DPP10: variants seen among roughly 807,000 people sequenced by gnomAD.
DPP10 encodes dipeptidyl peptidase like 10.
In DPP10, 33 loss-of-function variants were observed where a neutral mutation model predicts 120.9. The observed-to-expected ratio is 0.27, with a 90% CI of 0.21 to 0.37. The LOEUF is 0.37. Ranked by LOEUF, DPP10 falls within the 10% of genes least tolerant of loss-of-function variation. The probability of loss-of-function intolerance (pLI) is 1.00; values close to 1 mark genes in which losing one functional copy is unlikely to be tolerated. For missense variants in DPP10, 816 were observed against 942.8 expected, an observed-to-expected ratio of 0.87 and a Z score of 1.76; for synonymous variants, 337 against 326.1, an observed-to-expected ratio of 1.03 and a Z score of -0.36.
intron 1 of DPP10, among the ~76,000 whole-genome samples, chr2:114,953,147 A>G (rs1697921937): frequency 6.6e-6 from 1 of 152,154 alleles, no homozygotes; most frequent in African/African-American, 2.4e-5. Context: ...GTTTAAAAAA[A>G]TCTAATTTTA....
chr2:114,901,275 G>A (rs557130068), intron 1 of DPP10, among the ~76,000 whole-genome samples: 2 of 152,266 alleles, frequency 1.3e-5, no homozygotes, highest in South Asian at 4.1e-4. Flanking sequence ...TCTGCTCACT[G>A]CAAGCTCCAC....
chr2:114,897,718 A>G (rs1351435977), intron 1 of DPP10, among the ~76,000 whole-genome samples: 1 of 152,192 alleles, frequency 6.6e-6, no homozygotes, highest in Non-Finnish European at 1.5e-5. Flanking sequence ...AAAAGAAGAC[A>G]TTTATGCAGC....
intron 1 of DPP10, among the ~76,000 whole-genome samples, chr2:115,075,105 G>A (rs1225872998): frequency 2.0e-5 from 3 of 152,126 alleles, no homozygotes; most frequent in South Asian, 4.1e-4. Flanking sequence ...CATGAGTGTG[G>A]GAGGTCATAT....
At chr2:115,534,932 G>A (rs902295850) in intron 5 of DPP10, among the ~76,000 whole-genome samples, 6 of 151,484 alleles carry the variant, frequency 4.0e-5, no homozygotes, top group African/African-American at 1.5e-4. Context: ...GTCTGTTCAT[G>A]TCCTTCGCCC....
At chr2:115,492,815 CAA>C (rs2076194490) in intron 3 of DPP10, among the ~76,000 whole-genome samples, 1 of 151,810 alleles carries the variant, frequency 6.6e-6, no homozygotes, top group African/African-American at 2.4e-5. Flanking sequence ...TAAAAAAACT[CAA>C]TAAAAAAGAT....
At chr2:115,550,200 A>C (rs1055548418) in intron 5 of DPP10, among the ~76,000 whole-genome samples, 1 of 152,196 alleles carries the variant, frequency 6.6e-6, no homozygotes, top group Non-Finnish European at 1.5e-5. Flanking sequence ...ACATAGTTAT[A>C]GAATCTTTAA....
At chr2:115,324,478 T>C (rs1237561763) in intron 2 of DPP10, among the ~76,000 whole-genome samples, 1 of 152,164 alleles carries the variant, frequency 6.6e-6, no homozygotes, top group Non-Finnish European at 1.5e-5. Flanking sequence ...TTAAACCTCA[T>C]GAACCAATCT....
At chr2:114,548,479 T>G (rs2104852317) in intron 1 of DPP10, among the ~76,000 whole-genome samples, 1 of 152,272 alleles carries the variant, frequency 6.6e-6, no homozygotes, top group African/African-American at 2.4e-5. Flanking sequence ...CTTACTCGTC[T>G]TTGAGAAGGG....
chr2:115,445,528 G>A (rs2072496932), intron 3 of DPP10, among the ~76,000 whole-genome samples: 1 of 152,130 alleles, frequency 6.6e-6, no homozygotes, highest in South Asian at 2.1e-4. Flanking sequence ...TTGAGAACTG[G>A]GGCAGAGGTC....
intron 5 of DPP10, among the ~76,000 whole-genome samples, chr2:115,606,522 G>A (rs1354098868): frequency 1.3e-5 from 2 of 152,154 alleles, no homozygotes; most frequent in Non-Finnish European, 2.9e-5. Context: ...GAGAGCTGGA[G>A]TGTTGAATCT....
At position 115,286,411 on chromosome 2, in the gene DPP10, A is replaced by C. The variant is rs931865800; in HGVS notation, c.61-22828A>C. Among the ~76,000 whole-genome samples, 52 of 144,976 alleles carry C rather than the reference A, an allele frequency of 3.6e-4. 2 individuals carry two copies. The highest frequency in any genetic ancestry group is 1.3e-3 in the African/African-American group (52 of 39,596). On this transcript the variant is annotated intron_variant, in intron 1 of 25. Coordinates refer to ENST00000410059, the MANE Select transcript of DPP10 (RefSeq NM_020868.6). ...AGCCACATCTTTTTTTTTACTTTGG[A>C]ATTTTAAAATATGATTTATCTTCCT...
rs190296801 is a variant in DPP10 at position 115,423,086 on chromosome 2, A to C, written c.272-76424A>C. 2.1e-3 allele frequency among the ~76,000 whole-genome samples: 316 copies of C among 152,224 alleles called. 1 individual carries two copies. The highest frequency in any genetic ancestry group is 6.8e-3 in the African/African-American group (283 of 41,582). The stretch of plus-strand genomic sequence containing the variant: ...AAAACAGGAAAATAATTTTAATGTG[A>C]TATAAACATTTAATATAACATATTT... On this transcript the variant is annotated intron_variant, in intron 3 of 25. Transcript: ENST00000410059.
chr2:114,996,937 G>A (rs562883340), intron 1 of DPP10, among the ~76,000 whole-genome samples: 2 of 145,862 alleles, frequency 1.4e-5, no homozygotes, highest in South Asian at 2.2e-4. Context: ...AGCCGAGATC[G>A]TGCCACTGCG....
chr2:115,079,799 T>C (rs527600210), intron 1 of DPP10, among the ~76,000 whole-genome samples: 8 of 152,306 alleles, frequency 5.3e-5, no homozygotes, highest in Admixed American at 5.2e-4. Flanking sequence ...GATGAACAGA[T>C]AGAGAAGTCT....
intron 1 of DPP10, among the ~76,000 whole-genome samples, chr2:114,942,320 T>TAAATATAC (rs869121143): frequency 8.1e-6 from 1 of 123,980 alleles, no homozygotes; most frequent in African/African-American, 3.1e-5. Flanking sequence ...TATATATATA[T>TAAATATAC]ACACACACAT....
chr2:115,426,617 G>A (rs1275426747), intron 3 of DPP10, among the ~76,000 whole-genome samples: 1 of 148,970 alleles, frequency 6.7e-6, no homozygotes, highest in South Asian at 2.1e-4. Flanking sequence ...TTCAACATGA[G>A]ATTCTCACCA....
chr2:115,419,651 C>A (rs2069756543), intron 3 of DPP10, among the ~76,000 whole-genome samples: 1 of 152,116 alleles, frequency 6.6e-6, no homozygotes, highest in Non-Finnish European at 1.5e-5. Context: ...CCCAATTTAG[C>A]ACAGTGCCCA....
At chr2:114,609,137 A>G (rs1292413314) in intron 1 of DPP10, among the ~76,000 whole-genome samples, 1 of 152,212 alleles carries the variant, frequency 6.6e-6, no homozygotes, top group African/African-American at 2.4e-5. Flanking sequence ...AACTCCAGGA[A>G]GTGAGAGTGA....
rs144999645 is a variant in DPP10 at position 114,579,987 on chromosome 2, C to T, written c.60+137149C>T. ...GCCTTTCATTAACAAAATTATGTGC[C>T]GAGAAAGGGCAATGACAAAACTGAC... On this transcript the variant is annotated intron_variant, in intron 1 of 25. Coordinates refer to ENST00000410059, the MANE Select transcript of DPP10 (RefSeq NM_020868.6). 1.6e-4 allele frequency among the ~76,000 whole-genome samples: 25 copies of T among 152,140 alleles called. 1 individual carries two copies. In the East Asian group the frequency reaches 2.3e-3, roughly 14 times the overall value.
Sources: gnomAD v4.1 joint callset for allele counts (sites outside exome capture counted in the v4.1 genomes callset) on GRCh38, gnomAD v4.1.1 for gene constraint, MANE v1.5 for transcripts, NCBI Gene and HGNC (gene_info 2026-07-23, HGNC 2026-07-21) for gene names.